SGCZ: variants seen among roughly 807,000 people sequenced by gnomAD.
The protein encoded by SGCZ is zeta-sarcoglycan.
SGCZ carries 40 observed loss-of-function variants against 41.3 expected under a neutral mutation model. The observed-to-expected ratio is 0.97, with a 90% CI of 0.75 to 1.26. SGCZ has a LOEUF of 1.26. Ranked by LOEUF, SGCZ falls within the 50% of genes most tolerant of loss-of-function variation. The pLI is 0.00. For synonymous variants in SGCZ, 206 were observed against 137.5 expected (o/e 1.50, Z -3.49); for missense variants, 552 against 369.8 (o/e 1.49, Z -4.04).
intron 2 of SGCZ, among the ~76,000 whole-genome samples, chr8:14,387,705 A>C (rs528809073): frequency 6.6e-6 from 1 of 152,122 alleles, no homozygotes; most frequent in East Asian, 1.9e-4. Context: ...GAGCACAAAA[A>C]GTACATTAAT....
chr8:14,486,410 C>T (rs911347742), intron 2 of SGCZ, among the ~76,000 whole-genome samples: 8 of 152,322 alleles, frequency 5.3e-5, no homozygotes, highest in Admixed American at 4.6e-4. Context: ...GAGAGAAATA[C>T]AGTGCCTTCT....
chr8:15,230,575 G>A (rs1472175937), intron 1 of SGCZ, among the ~76,000 whole-genome samples: 1 of 152,188 alleles, frequency 6.6e-6, no homozygotes, highest in Non-Finnish European at 1.5e-5. Context: ...ATATCAATGT[G>A]AAAATAATTT....
chr8:14,228,321 GGTATGTAGTCATAAGGTC>G (rs1806444801), intron 4 of SGCZ, among the ~76,000 whole-genome samples: 2 of 152,028 alleles, frequency 1.3e-5, no homozygotes, highest in South Asian at 4.2e-4. Flanking sequence ...TTTCAGATAA[GGTATGTAGTCATAAGGTC>G]TAATAAAATA....
intron 1 of SGCZ, among the ~76,000 whole-genome samples, chr8:15,192,337 A>C (rs1008039561): frequency 6.6e-6 from 1 of 152,092 alleles, no homozygotes; most frequent in African/African-American, 2.4e-5. Context: ...TTAAGTACGC[A>C]TACAAATTTT....
At chr8:14,289,002 TTTTA>T (rs1434286182) in intron 3 of SGCZ, among the ~76,000 whole-genome samples, 1 of 152,132 alleles carries the variant, frequency 6.6e-6, no homozygotes, top group East Asian at 1.9e-4. Flanking sequence ...TTATTGTGGT[TTTTA>T]TTTGTGTTTT....
intron 1 of SGCZ, among the ~76,000 whole-genome samples, chr8:14,806,194 T>C (rs1239588026): frequency 1.3e-5 from 2 of 151,704 alleles, no homozygotes; most frequent in African/African-American, 2.4e-5. Flanking sequence ...AGCAAACACA[T>C]TCAAAAGCTA....
At chr8:15,179,816 C>A (rs1563168618) in intron 1 of SGCZ, among the ~76,000 whole-genome samples, 6 of 152,122 alleles carry the variant, frequency 3.9e-5, no homozygotes, top group Admixed American at 2.0e-4. Flanking sequence ...GTAACCTGAT[C>A]ATTAGCAGAA....
intron 4 of SGCZ, among the ~76,000 whole-genome samples, chr8:14,180,891 G>T (rs1017586423): frequency 1.3e-5 from 2 of 151,744 alleles, no homozygotes; most frequent in East Asian, 1.9e-4. Context: ...TACGGCAGTG[G>T]GGAGTGCCAT....
At chr8:14,221,341 TAC>T (rs1351968642) in intron 4 of SGCZ, among the ~76,000 whole-genome samples, 1 of 152,244 alleles carries the variant, frequency 6.6e-6, no homozygotes, top group Non-Finnish European at 1.5e-5. Flanking sequence ...AATGTAAATT[TAC>T]ACACATGGTT....
At chr8:14,374,671 T>A (rs1209245658) in intron 2 of SGCZ, among the ~76,000 whole-genome samples, 1 of 152,176 alleles carries the variant, frequency 6.6e-6, no homozygotes, top group Non-Finnish European at 1.5e-5. Flanking sequence ...CATGTTTTCC[T>A]TCAGATAAGC....
At chr8:14,355,674 G>A (rs1334053223) in intron 2 of SGCZ, among the ~76,000 whole-genome samples, 1 of 151,886 alleles carries the variant, frequency 6.6e-6, no homozygotes, top group East Asian at 1.9e-4. Context: ...TGATAAAAAT[G>A]AAAGGACTGA....
chr8:14,382,623 G>A (rs1175912070), intron 2 of SGCZ, among the ~76,000 whole-genome samples: 1 of 152,186 alleles, frequency 6.6e-6, no homozygotes, highest in African/African-American at 2.4e-5. Context: ...GAATATTTGA[G>A]ATTGAGGGTT....
Position 14,154,099 on chromosome 8 carries a change from G to T in SGCZ, c.547+10481C>A, listed in dbSNP as rs376705342. Among the ~76,000 whole-genome samples the T allele has an allele frequency of 3.3e-5, 5 of 152,208 alleles. No individual in the cohort carries two copies. In the East Asian group the frequency reaches 9.7e-4, roughly 30 times the overall value. ...AGAGAATAAATTTCTGGCCGGGCCC[G>T]GTGGCTCATGCCTGTAATCCCAGCA... On this transcript the variant is annotated intron_variant, in intron 5 of 7. Transcript: ENST00000382080.
chr8:14,619,779 C>T (rs913212239), intron 1 of SGCZ, among the ~76,000 whole-genome samples: 30 of 151,908 alleles, frequency 2.0e-4, no homozygotes, highest in African/African-American at 6.5e-4. Flanking sequence ...CCACGCTCAA[C>T]GAAATAAAAG....
intron 1 of SGCZ, among the ~76,000 whole-genome samples, chr8:14,615,333 G>C (rs1049985050): frequency 2.0e-4 from 30 of 152,294 alleles, no homozygotes; most frequent in African/African-American, 7.2e-4. Flanking sequence ...CCAAATAAGG[G>C]AGATGCCCAG....
At chr8:15,113,524 T>A (rs773492421) in intron 1 of SGCZ, among the ~76,000 whole-genome samples, 2 of 152,140 alleles carry the variant, frequency 1.3e-5, no homozygotes, top group Non-Finnish European at 2.9e-5. Context: ...AATGCAATAC[T>A]CTCCTTTTCA....
chr8:15,164,072 T>C (rs1381888969), intron 1 of SGCZ, among the ~76,000 whole-genome samples: 1 of 152,242 alleles, frequency 6.6e-6, no homozygotes, highest in African/African-American at 2.4e-5. Flanking sequence ...CCCCCTTTTC[T>C]ATCTTTTCAC....
chr8:15,110,265 C>A (rs1806996659), intron 1 of SGCZ, among the ~76,000 whole-genome samples: 1 of 152,082 alleles, frequency 6.6e-6, no homozygotes, highest in African/African-American at 2.4e-5. Context: ...TCCACCATTG[C>A]ATCAAAAAGA....
At chr8:14,743,072 T>C (rs1431238228) in intron 1 of SGCZ, among the ~76,000 whole-genome samples, 1 of 152,066 alleles carries the variant, frequency 6.6e-6, no homozygotes, top group Non-Finnish European at 1.5e-5. Flanking sequence ...TGCGTGGATT[T>C]TCTTAGAGTT....
Sources: allele counts gnomAD v4.1 joint callset (sites outside exome capture counted in the v4.1 genomes callset), GRCh38; gene constraint gnomAD v4.1.1; transcripts MANE v1.5; gene names NCBI Gene and HGNC (gene_info 2026-07-23, HGNC 2026-07-21).